PKNOX2: variants seen among roughly 807,000 people sequenced by gnomAD.
PKNOX2 encodes homeobox protein PKNOX2.
A neutral mutation model predicts 53.1 loss-of-function variants in PKNOX2; 14 were observed. The observed-to-expected ratio is 0.26, with a 90% confidence interval of 0.17 to 0.41. The LOEUF (loss-of-function observed/expected upper bound fraction) is 0.41, where lower values mean the gene tolerates loss of function less well. Ranked by LOEUF, PKNOX2 falls within the 10% of genes least tolerant of loss-of-function variation. PKNOX2 has a pLI of 1.00. For synonymous variants in PKNOX2, 257 were observed against 242.8 expected, an observed-to-expected ratio of 1.06 and a Z score of -0.54; for missense variants, 496 against 602.8, an observed-to-expected ratio of 0.82 and a Z score of 1.85.
intron 1 of PKNOX2, among the ~76,000 whole-genome samples, chr11:125,178,979 G>A (rs901303012): frequency 6.6e-6 from 1 of 152,014 alleles, no homozygotes; most frequent in African/African-American, 2.4e-5. Context: ...GTGTGGTGTC[G>A]GGCTCGGATG....
intron 10 of PKNOX2, among the ~76,000 whole-genome samples, chr11:125,426,303 C>T (rs948202792): frequency 2.6e-5 from 4 of 152,228 alleles, no homozygotes; most frequent in African/African-American, 9.6e-5. Flanking sequence ...AATCCCCTTC[C>T]CTAAGGACTT....
intron 5 of PKNOX2, 53 bp from the exon 6 acceptor site, chr11:125,385,498 T>A (rs1953561610): frequency 6.6e-7 from 1 of 1,525,510 alleles, no homozygotes; most frequent in East Asian, 2.4e-5. Flanking sequence ...TGAGCACAGG[T>A]AGCAGCACGG....
chr11:125,360,767 C>A (rs1232289553), intron 4 of PKNOX2, among the ~76,000 whole-genome samples: 1 of 152,204 alleles, frequency 6.6e-6, no homozygotes, highest in East Asian at 1.9e-4. Flanking sequence ...TAACAATAAC[C>A]GCCATATGCT....
intron 2 of PKNOX2, among the ~76,000 whole-genome samples, chr11:125,288,802 C>A (rs908863003): frequency 6.6e-6 from 1 of 152,154 alleles, no homozygotes; most frequent in African/African-American, 2.4e-5. Context: ...CCTTAGCATG[C>A]CCCCACTCAA....
intron 3 of PKNOX2, among the ~76,000 whole-genome samples, chr11:125,344,687 G>A (rs538684447): frequency 8.5e-5 from 13 of 152,284 alleles, no homozygotes; most frequent in East Asian, 3.9e-4. Flanking sequence ...TGGCCAAAGC[G>A]TCTGCTTGTC....
chr11:125,386,923 G>A lies in PKNOX2; in HGVS notation c.399+1201G>A, dbSNP rs374084379. Among the ~76,000 whole-genome samples the A allele has an allele frequency of 3.9e-5, 6 of 152,280 alleles. 1 individual carries two copies. Among genetic ancestry groups the A allele is most frequent in the African/African-American group, 1.2e-4 (5 of 41,544 alleles). On this transcript the variant is annotated intron_variant, in intron 6 of 12. Coordinates refer to ENST00000298282, the MANE Select transcript of PKNOX2 (RefSeq NM_001382323.2). ...AAGTGTCATGATGGGTGGAGTGTTT[G>A]AAGAGCAGAGGAGGCCCTGCCAGAG...
chr11:125,328,962 G>A (rs1949995859), intron 2 of PKNOX2, among the ~76,000 whole-genome samples: 1 of 152,184 alleles, frequency 6.6e-6, no homozygotes, highest in African/African-American at 2.4e-5. Context: ...AATTCCTTAA[G>A]ACGAACACAC....
chr11:125,225,132 C>A (rs1386124699), intron 1 of PKNOX2, among the ~76,000 whole-genome samples: 1 of 152,214 alleles, frequency 6.6e-6, no homozygotes, highest in Non-Finnish European at 1.5e-5. Context: ...CCTCAACATG[C>A]CCCTGTCTGG....
intron 1 of PKNOX2, among the ~76,000 whole-genome samples, chr11:125,169,904 G>A (rs1183043927): frequency 2.6e-5 from 4 of 152,216 alleles, no homozygotes; most frequent in African/African-American, 7.2e-5. Flanking sequence ...ACCAAGAGGG[G>A]CAATTTTGGC....
chr11:125,176,735 T>A (rs534139888), intron 1 of PKNOX2, among the ~76,000 whole-genome samples: 1 of 152,284 alleles, frequency 6.6e-6, no homozygotes, highest in Admixed American at 6.5e-5. Context: ...TTCCCCAGCA[T>A]CTTCTTTTCC....
rs118119996 is a variant in PKNOX2, at chr11:125,293,985, G to A, written c.-129-37834G>A. On this transcript the variant is annotated intron_variant, in intron 2 of 12. Coordinates refer to ENST00000298282, the MANE Select transcript of PKNOX2 (RefSeq NM_001382323.2). The stretch of plus-strand genomic sequence containing the variant: ...AGGAAAAAAAAATCCAGAATGCTTT[G>A]GAACAATTTTGAGCAATGAAAAACT... 7.9e-5 allele frequency among the ~76,000 whole-genome samples: 12 copies of A among 152,210 alleles called. 1 individual carries two copies. In the East Asian group the frequency reaches 2.3e-3, roughly 29 times the overall value.
chr11:125,299,654 G>A (rs562796579), intron 2 of PKNOX2, among the ~76,000 whole-genome samples: 1 of 152,274 alleles, frequency 6.6e-6, no homozygotes, highest in South Asian at 2.1e-4. Context: ...AAAGATTGTT[G>A]GGAAAAATTA....
At chr11:125,335,214 G>A (rs568688737) in intron 3 of PKNOX2, among the ~76,000 whole-genome samples, 26 of 152,266 alleles carry the variant, frequency 1.7e-4, no homozygotes, top group African/African-American at 4.8e-4. Flanking sequence ...GCTCCTGAAC[G>A]GGCCCCCTCT....
chr11:125,334,599 TTTTC>T (rs1950332886), intron 3 of PKNOX2, among the ~76,000 whole-genome samples: 2 of 142,438 alleles, frequency 1.4e-5, no homozygotes, highest in African/African-American at 6.0e-5. Context: ...TTTTTTTTTT[TTTTC>T]TTTTCATTTT....
chr11:125,397,208 G>GTAGC (rs1954462135), intron 6 of PKNOX2, among the ~76,000 whole-genome samples: 1 of 152,224 alleles, frequency 6.6e-6, no homozygotes, highest in African/African-American at 2.4e-5. Context: ...AGACAGTGAG[G>GTAGC]TAGCTGGTGC....
chr11:125,176,666 T>G (rs1007690372), intron 1 of PKNOX2, among the ~76,000 whole-genome samples: 2 of 152,212 alleles, frequency 1.3e-5, no homozygotes, highest in Non-Finnish European at 2.9e-5. Context: ...CCTGACCTCA[T>G]GCTGAGTTTT....
intron 2 of PKNOX2, among the ~76,000 whole-genome samples, chr11:125,250,296 G>T (rs1056653693): frequency 6.6e-6 from 1 of 151,882 alleles, no homozygotes; most frequent in African/African-American, 2.4e-5. Context: ...AACTAAACAA[G>T]AAATTTTTGT....
chr11:125,217,009 AC>A (rs35070332), intron 1 of PKNOX2, among the ~76,000 whole-genome samples: 9 of 43,974 alleles, frequency 2.0e-4, no homozygotes, highest in Non-Finnish European at 2.8e-4. Context: ...TCCCCTCAAA[AC>A]ACACACACAC....
chr11:125,351,581 G>A (rs1175401112), intron 4 of PKNOX2, among the ~76,000 whole-genome samples, 189 bp downstream of exon 4: 2 of 152,106 alleles, frequency 1.3e-5, no homozygotes, highest in Non-Finnish European at 2.9e-5. Context: ...CACAGACCCC[G>A]AGGGCAGTCA....
Sources: allele counts gnomAD v4.1 joint callset (sites outside exome capture counted in the v4.1 genomes callset), GRCh38; gene constraint gnomAD v4.1.1; transcripts MANE v1.5; gene names NCBI Gene and HGNC (gene_info 2026-07-23, HGNC 2026-07-21).